The following TRERF1 variants were observed in gnomAD, a reference collection of about 807,000 sequenced individuals.
The protein encoded by TRERF1 is transcriptional regulating factor 1, also known as transcriptional-regulating factor 1.
Under a neutral mutation model 122.9 loss-of-function variants are expected in TRERF1, and 27 were observed. That is an observed-to-expected ratio of 0.22 (90% CI 0.16 to 0.30). TRERF1 has a LOEUF of 0.30. TRERF1 is among the 10% of genes least tolerant of loss of function. The probability of loss-of-function intolerance (pLI) is 1.00; values close to 1 mark genes in which losing one functional copy is unlikely to be tolerated. For missense variants in TRERF1, 1,248 were observed against 1,560.3 expected, an observed-to-expected ratio of 0.80 and a Z score of 3.37; for synonymous variants, 636 against 641.7, an observed-to-expected ratio of 0.99 and a Z score of 0.13.
chr6:42,326,214 C>G (rs904807976), intron 3 of TRERF1, among the ~76,000 whole-genome samples: 1 of 151,502 alleles, frequency 6.6e-6, no homozygotes, highest in African/African-American at 2.4e-5. Context: ...GGCCAGGTGA[C>G]TGGCTTGCCA....
chr6:42,379,268 G>A (rs934394635), intron 2 of TRERF1, among the ~76,000 whole-genome samples: 1 of 152,084 alleles, frequency 6.6e-6, no homozygotes. Flanking sequence ...GATGAATGGA[G>A]CTCAGGAAAT....
At chr6:42,277,956 A>G (rs7762684) in intron 4 of TRERF1, among the ~76,000 whole-genome samples, 62 of 148,932 alleles carry the variant, frequency 4.2e-4, no homozygotes, top group African/African-American at 1.3e-3. Context: ...AAGAAGAAGA[A>G]GAAGAAGAAG....
At chr6:42,337,116 G>T (rs1766348710) in intron 3 of TRERF1, among the ~76,000 whole-genome samples, 1 of 152,134 alleles carries the variant, frequency 6.6e-6, no homozygotes, top group African/African-American at 2.4e-5. Context: ...GAGCTCCTTG[G>T]TGGCAGTGGG....
chr6:42,299,116 C>CTCTATCTATCTATCTATCTA (rs1554152190), intron 4 of TRERF1, among the ~76,000 whole-genome samples: 3 of 141,786 alleles, frequency 2.1e-5, no homozygotes, highest in African/African-American at 8.0e-5. Flanking sequence ...GTCTGTCTGT[C>CTCTATCTATCTATCTATCTA]TCTATCTATC....
At chr6:42,428,169 A>G (rs1395522685) in intron 2 of TRERF1, among the ~76,000 whole-genome samples, 1 of 152,204 alleles carries the variant, frequency 6.6e-6, no homozygotes, top group Non-Finnish European at 1.5e-5. Context: ...ACAGGCCCAG[A>G]CTGACTAAGG....
At chr6:42,258,448 T>A (rs543825396) in intron 9 of TRERF1, among the ~76,000 whole-genome samples, 1 of 152,348 alleles carries the variant, frequency 6.6e-6, no homozygotes, top group South Asian at 2.1e-4. Flanking sequence ...GCGGTATGAT[T>A]TCTATGCAAT....
At chr6:42,420,665 A>T (rs554886061) in intron 2 of TRERF1, among the ~76,000 whole-genome samples, 1 of 152,370 alleles carries the variant, frequency 6.6e-6, no homozygotes, top group East Asian at 1.9e-4. Flanking sequence ...CAGGAAACTT[A>T]TTAAAAGAAA....
chr6:42,225,461 T>A (rs1030609391), exon 18 of TRERF1: 1 of 152,024 alleles, frequency 6.6e-6, no homozygotes, highest in Non-Finnish European at 1.5e-5. Flanking sequence ...CATAAAATCC[T>A]TATTAAAAAT....
intron 15 of TRERF1, among the ~76,000 whole-genome samples, chr6:42,241,647 G>A (rs1297578087): frequency 2.0e-5 from 3 of 151,968 alleles, no homozygotes; most frequent in Non-Finnish European, 4.4e-5. Flanking sequence ...ATTTTTATTA[G>A]AAATGGGTTT....
At chr6:42,273,198 T>A (rs1006298806) in intron 4 of TRERF1, among the ~76,000 whole-genome samples, 36 of 152,060 alleles carry the variant, frequency 2.4e-4, no homozygotes, top group African/African-American at 8.5e-4. Flanking sequence ...TTTAGACTAC[T>A]CTCTTCCGCT....
At chr6:42,404,915 T>G (rs185684896) in intron 2 of TRERF1, among the ~76,000 whole-genome samples, 13 of 152,202 alleles carry the variant, frequency 8.5e-5, no homozygotes, top group Admixed American at 3.3e-4. Flanking sequence ...GATTGAAGGG[T>G]CACTAAAAGT....
intron 15 of TRERF1, among the ~76,000 whole-genome samples, chr6:42,242,654 A>C (rs181507263): frequency 3.3e-5 from 5 of 152,298 alleles, no homozygotes; most frequent in Admixed American, 3.3e-4. Context: ...TTTGGTACGT[A>C]CTTAATGTGC....
At chr6:42,301,566 G>A (rs1298441433) in intron 3 of TRERF1, among the ~76,000 whole-genome samples, 1 of 152,156 alleles carries the variant, frequency 6.6e-6, no homozygotes, top group Non-Finnish European at 1.5e-5. Context: ...CACCATTAGA[G>A]ATGACTACTT....
At chr6:42,409,276 A>G (rs1780758149) in intron 2 of TRERF1, among the ~76,000 whole-genome samples, 1 of 152,126 alleles carries the variant, frequency 6.6e-6, no homozygotes, top group Admixed American at 6.5e-5. Flanking sequence ...ACCCAGTCTC[A>G]AAATAAATAA....
chr6:42,376,491 G>A (rs1243223265), intron 2 of TRERF1, among the ~76,000 whole-genome samples: 2 of 151,994 alleles, frequency 1.3e-5, no homozygotes, highest in Non-Finnish European at 2.9e-5. Context: ...AAGGGCAGAG[G>A]GGAGAGGGTT....
At chr6:42,298,543 G>A (rs1428125849) in intron 4 of TRERF1, among the ~76,000 whole-genome samples, 2 of 151,032 alleles carry the variant, frequency 1.3e-5, no homozygotes, top group Admixed American at 6.6e-5. Context: ...GGTGGCTCAC[G>A]CCTGTAATGC....
intron 3 of TRERF1, among the ~76,000 whole-genome samples, chr6:42,306,608 G>A (rs777746190): frequency 8.5e-5 from 13 of 152,150 alleles, no homozygotes; most frequent in Non-Finnish European, 1.3e-4. Context: ...GCTCCAACCA[G>A]CTTGTCTTTC....
At chr6:42,283,205 TAAG>T (rs1782593455) in intron 4 of TRERF1, among the ~76,000 whole-genome samples, 1 of 152,124 alleles carries the variant, frequency 6.6e-6, no homozygotes, top group Non-Finnish European at 1.5e-5. Flanking sequence ...AGAGCTGAAA[TAAG>T]AAGGTGGAGT....
chr6:42,290,977 C>T (rs969867188), intron 4 of TRERF1, among the ~76,000 whole-genome samples: 2 of 151,836 alleles, frequency 1.3e-5, no homozygotes, highest in Admixed American at 6.6e-5. Flanking sequence ...CCAAAGAATT[C>T]GTGAAAGGGT....
Sources: allele counts gnomAD v4.1 joint callset (sites outside exome capture counted in the v4.1 genomes callset), GRCh38; gene constraint gnomAD v4.1.1; transcripts MANE v1.5; gene names NCBI Gene and HGNC (gene_info 2026-07-23, HGNC 2026-07-21).